The following FIRRM variants were observed in gnomAD, a reference collection of about 807,000 sequenced individuals.
FIRRM encodes FIGNL1-interacting regulator of recombination and mitosis.
chr1:169,807,328 C>G, the FIRRM span, among the ~76,000 whole-genome samples: 1 of 152,246 alleles, frequency 6.6e-6, no homozygotes, highest in Admixed American at 6.5e-5. Flanking sequence ...CTTTGATATC[C>G]TTACCCTAAG....
the FIRRM span, chr1:169,842,472 A>G: frequency 1.2e-6 from 2 of 1,613,848 alleles, no homozygotes; most frequent in Admixed American, 1.7e-5. Flanking sequence ...GAAGCTTTGG[A>G]TACAGGAAAA....
At chr1:169,836,602 A>G in the FIRRM span, among the ~76,000 whole-genome samples, 1 of 152,230 alleles carries the variant, frequency 6.6e-6, no homozygotes, top group Non-Finnish European at 1.5e-5. Context: ...GGTGACGAGT[A>G]TATAGGAAAA....
At chr1:169,850,247 T>A in the FIRRM span, 26 of 1,546,378 alleles carry the variant, frequency 1.7e-5, no homozygotes, top group East Asian at 5.2e-4. Flanking sequence ...TTGGTCTTGT[T>A]CATCAATTTT....
the FIRRM span, among the ~76,000 whole-genome samples, chr1:169,822,341 A>G: frequency 1.3e-5 from 2 of 152,232 alleles, no homozygotes; most frequent in African/African-American, 4.8e-5. Context: ...GGAAACCCTT[A>G]TCTTTCGTCA....
At chr1:169,798,810 T>G in the FIRRM span, 11 of 579,206 alleles carry the variant, frequency 1.9e-5, no homozygotes, top group Non-Finnish European at 2.6e-5. Context: ...TTCCAATCTC[T>G]TATGAGTCAT....
At chr1:169,851,743 A>G in the FIRRM span, 3 of 1,550,890 alleles carry the variant, frequency 1.9e-6, no homozygotes, top group Non-Finnish European at 2.6e-6. Flanking sequence ...CAGCACTTAA[A>G]TTATGTGGCC....
the FIRRM span, among the ~76,000 whole-genome samples, chr1:169,801,311 G>C: frequency 1.3e-5 from 2 of 151,922 alleles, no homozygotes; most frequent in African/African-American, 4.8e-5. Flanking sequence ...TGGACATGGT[G>C]GCAGGTGCCT....
the FIRRM span, chr1:169,792,747 C>T: frequency 4.3e-6 from 7 of 1,613,768 alleles, no homozygotes; most frequent in South Asian, 5.5e-5. Flanking sequence ...AGTACACGTC[C>T]ATTTTTACTT....
At chr1:169,835,861 T>G in the FIRRM span, among the ~76,000 whole-genome samples, 7 of 152,210 alleles carry the variant, frequency 4.6e-5, no homozygotes. Context: ...TGTAGTTTGG[T>G]TTTATGAATA....
the FIRRM span, among the ~76,000 whole-genome samples, chr1:169,825,704 G>A: frequency 2.6e-5 from 4 of 152,094 alleles, no homozygotes; most frequent in African/African-American, 9.7e-5. Flanking sequence ...TGAGTCTCAG[G>A]GAGGGCAAAT....
At chr1:169,846,671 T>G in the FIRRM span, among the ~76,000 whole-genome samples, 1 of 152,184 alleles carries the variant, frequency 6.6e-6, no homozygotes, top group African/African-American at 2.4e-5. Context: ...CTTTTTCAGC[T>G]CTCAGCTTTC....
chr1:169,820,473 G>C, the FIRRM span, among the ~76,000 whole-genome samples: 1 of 152,202 alleles, frequency 6.6e-6, no homozygotes, highest in Non-Finnish European at 1.5e-5. Flanking sequence ...GAGAATAGCA[G>C]TTAACATCCC....
At chr1:169,819,112 A>G in the FIRRM span, among the ~76,000 whole-genome samples, 1 of 152,236 alleles carries the variant, frequency 6.6e-6, no homozygotes, top group Non-Finnish European at 1.5e-5. Flanking sequence ...AGATCCGCCA[A>G]AATTAAGTGT....
chr1:169,794,115 AAAAC>A, the FIRRM span, among the ~76,000 whole-genome samples: 1 of 152,108 alleles, frequency 6.6e-6, no homozygotes, highest in Non-Finnish European at 1.5e-5. Context: ...ATCAACTATA[AAAAC>A]AAACAGAAGA....
chr1:169,794,979 A>C, the FIRRM span: 1 of 744,214 alleles, frequency 1.3e-6, no homozygotes, highest in South Asian at 1.7e-5. Context: ...CTCACCAAGA[A>C]ACCAGCCGCC....
At chr1:169,843,888 G>A in the FIRRM span, 1 of 634,580 alleles carries the variant, frequency 1.6e-6, no homozygotes, top group Non-Finnish European at 2.8e-6. Flanking sequence ...GTCATATATT[G>A]ACTTGTCTTC....
chr1:169,804,069 A>G, the FIRRM span: 22 of 1,447,820 alleles, frequency 1.5e-5, no homozygotes, highest in Admixed American at 5.2e-5. Context: ...ATTTATCCGT[A>G]ATCAGAATAG....
the FIRRM span, among the ~76,000 whole-genome samples, chr1:169,811,713 TAGAC>T: frequency 2.7e-5 from 4 of 149,964 alleles, no homozygotes; most frequent in Admixed American, 6.6e-5. Context: ...AAATAGATAA[TAGAC>T]AGATTATCTA....
the FIRRM span, among the ~76,000 whole-genome samples, chr1:169,798,116 A>G: frequency 4.6e-5 from 7 of 152,154 alleles, no homozygotes; most frequent in Non-Finnish European, 2.9e-5. Context: ...ATTTCTTGTA[A>G]TAGAAATCGG....
Sources: allele counts gnomAD v4.1 joint callset (sites outside exome capture counted in the v4.1 genomes callset), GRCh38; gene constraint gnomAD v4.1.1; transcripts MANE v1.5; gene names NCBI Gene and HGNC (gene_info 2026-07-23, HGNC 2026-07-21).